The following KLF13 variants were observed in gnomAD, a reference collection of about 807,000 sequenced individuals.
The protein encoded by KLF13 is Krueppel-like factor 13.
KLF13 carries 8 observed loss-of-function variants against 16.7 expected under a neutral mutation model. The ratio of observed to expected loss-of-function variants is 0.48; its 90% CI spans 0.28 to 0.87. The LOEUF (loss-of-function observed/expected upper bound fraction) is 0.87. KLF13 is among the 40% of genes least tolerant of loss of function. The probability of loss-of-function intolerance (pLI) is 0.10; values close to 1 mark genes in which losing one functional copy is unlikely to be tolerated. For missense variants in KLF13, 447 were observed against 452.2 expected, an observed-to-expected ratio of 0.99 and a Z score of 0.10; for synonymous variants, 245 against 208.4, an observed-to-expected ratio of 1.18 and a Z score of -1.51.
intron 1 of KLF13, among the ~76,000 whole-genome samples, chr15:31,349,503 T>G (rs2039182788): frequency 1.3e-5 from 2 of 152,234 alleles, no homozygotes; most frequent in Admixed American, 1.3e-4. Context: ...GCACTGACCC[T>G]TAACATGAGT....
chr15:31,395,027 T>G (rs2039935702), intron 2 of KLF13, among the ~76,000 whole-genome samples: 4 of 152,226 alleles, frequency 2.6e-5, no homozygotes, highest in Admixed American at 2.6e-4. Flanking sequence ...TTGCCCAGGC[T>G]GGAGTGCAGT....
At chr15:31,391,881 C>T (rs192554824), upstream of KLF13, among the ~76,000 whole-genome samples, 34 of 152,238 alleles carry the variant, frequency 2.2e-4, no homozygotes, top group East Asian at 5.8e-3. Flanking sequence ...CGTGAACTGC[C>T]GGCCCGGGGG....
At chr15:31,350,069 G>A (rs1395089426) in intron 1 of KLF13, among the ~76,000 whole-genome samples, 3 of 152,218 alleles carry the variant, frequency 2.0e-5, no homozygotes, top group South Asian at 2.1e-4. Flanking sequence ...TCCATTGAGT[G>A]AAGCCCTAGA....
At chr15:31,411,562 A>ATTTTTT (rs542831225) in intron 1 of KLF13, among the ~76,000 whole-genome samples, 2 of 137,728 alleles carry the variant, frequency 1.5e-5, no homozygotes, top group South Asian at 2.3e-4. Flanking sequence ...CACCTGGCTA[A>ATTTTTT]TTTTTTTTTT....
chr15:31,410,602 C>T (rs916845516), intron 1 of KLF13, among the ~76,000 whole-genome samples: 11 of 148,282 alleles, frequency 7.4e-5, no homozygotes, highest in Non-Finnish European at 1.5e-4. Context: ...CACACACACA[C>T]ACACACACAC....
At chr15:31,347,467 C>T (rs2039141603) in intron 1 of KLF13, among the ~76,000 whole-genome samples, 1 of 152,128 alleles carries the variant, frequency 6.6e-6, no homozygotes, top group Non-Finnish European at 1.5e-5. Context: ...TCAAAGGGCA[C>T]CCTCAGGGGG....
chr15:31,385,551 A>C (rs1274182553), intron 1 of KLF13, among the ~76,000 whole-genome samples: 2 of 152,244 alleles, frequency 1.3e-5, no homozygotes, highest in Non-Finnish European at 2.9e-5. Flanking sequence ...AAAATATTTC[A>C]AACATTTTTA....
intron 1 of KLF13, among the ~76,000 whole-genome samples, chr15:31,334,231 C>T (rs2038888069): frequency 6.6e-6 from 1 of 152,184 alleles, no homozygotes; most frequent in Non-Finnish European, 1.5e-5. Flanking sequence ...ATAGCCAGCT[C>T]AAGGGTAACT....
At position 31,372,052 on chromosome 15, in the gene KLF13, A is replaced by G; in HGVS notation, c.620A>G (p.Lys207Arg). The change falls in exon 2 of 2, where the codon AAG (lysine) becomes AGG (arginine). Residue 207 changes from lysine to arginine, a missense_variant. Transcript: ENST00000307145. ...FACSWQDCNK[K>R]FARSDELARH... ...TGCAGCTGGCAGGACTGCAACAAGA[A>G]GTTCGCGCGCTCCGACGAGCTGGCG... The G allele has an allele frequency of 6.2e-7, 1 of 1,611,426 alleles. No individual in the cohort carries two copies.
chr15:31,347,388 G>T (rs1270109502), intron 1 of KLF13, among the ~76,000 whole-genome samples: 2 of 152,180 alleles, frequency 1.3e-5, no homozygotes, highest in Non-Finnish European at 2.9e-5. Context: ...GAGACTGGAG[G>T]CAGGGAAGAG....
intron 1 of KLF13, among the ~76,000 whole-genome samples, chr15:31,386,854 C>T (rs1462752568): frequency 6.6e-6 from 1 of 152,204 alleles, no homozygotes; most frequent in African/African-American, 2.4e-5. Flanking sequence ...TCTACTCTGC[C>T]TATGCTCTAG....
At chr15:31,366,390 A>G (rs899885422) in intron 1 of KLF13, 2 of 151,988 alleles carry the variant, frequency 1.3e-5, no homozygotes, top group African/African-American at 4.8e-5. Flanking sequence ...CCCCCACCCC[A>G]TGCACAGGCA....
intron 2 of KLF13, among the ~76,000 whole-genome samples, chr15:31,402,628 G>T (rs1372567831): frequency 1.3e-5 from 2 of 152,198 alleles, no homozygotes; most frequent in South Asian, 2.1e-4. Flanking sequence ...CCATCCCACC[G>T]CCAGGAGCGG....
chr15:31,359,727 C>A (rs577383786), intron 1 of KLF13, among the ~76,000 whole-genome samples: 38 of 152,202 alleles, frequency 2.5e-4, no homozygotes, highest in Non-Finnish European at 5.0e-4. Context: ...ACTTGGTAGT[C>A]TGTTTTCTTC....
At chr15:31,363,125 A>C (rs939627899) in intron 1 of KLF13, among the ~76,000 whole-genome samples, 6 of 152,208 alleles carry the variant, frequency 3.9e-5, no homozygotes, top group Non-Finnish European at 8.8e-5. Context: ...TGGAGGTTGT[A>C]GCAGTTTGTA....
At chr15:31,339,590 TTCAGA>T (rs2038988265) in intron 1 of KLF13, among the ~76,000 whole-genome samples, 1 of 151,968 alleles carries the variant, frequency 6.6e-6, no homozygotes, top group South Asian at 2.1e-4. Flanking sequence ...CTGTGGGGGG[TTCAGA>T]TACCCACAAC....
chr15:31,337,468 T>C (rs577486995), intron 1 of KLF13, among the ~76,000 whole-genome samples: 1 of 152,010 alleles, frequency 6.6e-6, no homozygotes, highest in East Asian at 1.9e-4. Context: ...GGCAGGCCCT[T>C]TCTAAAATTA....
At chr15:31,413,865 T>C (rs1412165391) in intron 1 of KLF13, among the ~76,000 whole-genome samples, 2 of 152,226 alleles carry the variant, frequency 1.3e-5, no homozygotes, top group African/African-American at 4.8e-5. Context: ...TTTTCTCTTT[T>C]GTCTCATACT....
At chr15:31,380,000 C>T (rs545109519), downstream of KLF13, among the ~76,000 whole-genome samples, 2 of 152,280 alleles carry the variant, frequency 1.3e-5, no homozygotes, top group African/African-American at 2.4e-5. Flanking sequence ...ATCTGCCCCT[C>T]TAAAGAAGGA....
Sources: gnomAD v4.1 joint callset for allele counts (sites outside exome capture counted in the v4.1 genomes callset) on GRCh38, gnomAD v4.1.1 for gene constraint, MANE v1.5 for transcripts, NCBI Gene and HGNC (gene_info 2026-07-23, HGNC 2026-07-21) for gene names.